Variants in COPB2 observed in about 807,000 individuals in gnomAD.
The protein encoded by COPB2 is coatomer subunit beta'.
COPB2 carries 16 observed loss-of-function variants against 120.8 expected under a neutral mutation model. The ratio of observed to expected loss-of-function variants is 0.13; its 90% CI spans 0.09 to 0.20. The LOEUF is 0.20. COPB2 is among the 10% of genes least tolerant of loss of function. The pLI is 1.00. For synonymous variants in COPB2, 332 were observed against 366.3 expected (o/e 0.91, Z 1.07); for missense variants, 794 against 1,076.5 (o/e 0.74, Z 3.67).
intron 6 of COPB2, 55 bp from the exon 7 acceptor site, chr3:139,374,643 C>T (rs560416051): frequency 2.4e-5 from 35 of 1,447,206 alleles, no homozygotes; most frequent in East Asian, 1.1e-4. Flanking sequence ...GTAACCAGCC[C>T]GCCCTTAATT....
intron 5 of COPB2, among the ~76,000 whole-genome samples, chr3:139,376,975 T>A (rs1455418964): frequency 1.3e-5 from 2 of 152,202 alleles, no homozygotes; most frequent in Non-Finnish European, 2.9e-5. Flanking sequence ...GGTCTCGATC[T>A]CCTGACCTTG....
chr3:139,387,171 A>G (rs1342501897), intron 1 of COPB2, among the ~76,000 whole-genome samples: 1 of 151,944 alleles, frequency 6.6e-6, no homozygotes, highest in Non-Finnish European at 1.5e-5. Flanking sequence ...CGATTGCACC[A>G]CTGCACTCCA....
At chr3:139,369,849 T>C (rs1374908322) in intron 10 of COPB2, among the ~76,000 whole-genome samples, 1 of 152,224 alleles carries the variant, frequency 6.6e-6, no homozygotes, top group African/African-American at 2.4e-5. Context: ...TATATTCATA[T>C]AATGGAATGC....
chr3:139,368,342 C>A, intron 12 of COPB2, 54 bp from the exon 13 acceptor site: 1 of 1,533,802 alleles, frequency 6.5e-7, no homozygotes, highest in Non-Finnish European at 8.8e-7. Flanking sequence ...GTGGATATGA[C>A]AAACTGCACA....
At chr3:139,382,963 A>C (rs1941841070) in intron 2 of COPB2, 1 of 266,960 alleles carries the variant, frequency 3.7e-6, no homozygotes, top group African/African-American at 2.3e-5. Flanking sequence ...TATCATTCTT[A>C]AGATAGAGTA....
At chr3:139,361,413 G>T (rs1382961311) in intron 16 of COPB2, 118 bp from the exon 17 acceptor site, 2 of 1,005,928 alleles carry the variant, frequency 2.0e-6, no homozygotes, top group Admixed American at 2.8e-5. Context: ...TGTTAAGTTG[G>T]CTCTATCAAA....
At position 139,361,266 on chromosome 3, in the gene COPB2, T is replaced by C. The variant is rs1206334520; in HGVS notation, c.2025A>G (p.Glu675=). Residue 675 remains glutamate (E), a synonymous_variant, in exon 17 of 22, where the codon GAA becomes GAG. Coordinates refer to ENST00000333188, the MANE Select transcript of COPB2 (RefSeq NM_004766.3). ...CAAACTGACATTTACTAATGGCAAG[T>C]TCAGCAAGTTGTTTCCACTTCTGTT... ...ESEQKWKQLA[E]LAISKCQFGL... 1.2e-6 allele frequency: 2 copies of C among 1,614,108 alleles called. No homozygotes were observed. Among genetic ancestry groups the C allele is most frequent in the African/African-American group, 2.7e-5 (2 of 74,940 alleles).
intron 9 of COPB2, among the ~76,000 whole-genome samples, chr3:139,372,903 A>G (rs1178449168): frequency 6.6e-6 from 1 of 152,270 alleles, no homozygotes; most frequent in Admixed American, 6.5e-5. Flanking sequence ...AGCATAAGAC[A>G]TACTCCTTGC....
chr3:139,389,393 C>T (rs1204198944), intron 1 of COPB2, 155 bp downstream of exon 1: 3 of 1,159,144 alleles, frequency 2.6e-6, no homozygotes, highest in Admixed American at 1.1e-4. Flanking sequence ...CGCCTTCTCC[C>T]TTCCTGGAAT....
intron 10 of COPB2, among the ~76,000 whole-genome samples, chr3:139,371,360 C>T (rs1941619843): frequency 6.6e-6 from 1 of 152,158 alleles, no homozygotes; most frequent in Non-Finnish European, 1.5e-5. Context: ...CACCTCAGGA[C>T]ACTACATCAC....
At chr3:139,368,008 C>T (rs1003268363) in intron 13 of COPB2, 137 bp downstream of exon 13, 1 of 858,040 alleles carries the variant, frequency 1.2e-6, no homozygotes, top group Non-Finnish European at 1.6e-6. Context: ...TAATTTTTCA[C>T]ATTTCACCAG....
At chr3:139,389,152 C>T (rs1298671282) in intron 1 of COPB2, among the ~76,000 whole-genome samples, 2 of 152,198 alleles carry the variant, frequency 1.3e-5, no homozygotes, top group Non-Finnish European at 2.9e-5. Context: ...ACACTATCCC[C>T]AGAATAAGCC....
At chr3:139,367,755 C>T (rs1941545126) in intron 13 of COPB2, among the ~76,000 whole-genome samples, 1 of 152,072 alleles carries the variant, frequency 6.6e-6, no homozygotes, top group Non-Finnish European at 1.5e-5. Context: ...CTGATCTAAA[C>T]TTAGACCCTT....
intron 1 of COPB2, among the ~76,000 whole-genome samples, chr3:139,387,145 A>C (rs1941939584): frequency 6.6e-6 from 1 of 151,862 alleles, no homozygotes; most frequent in Non-Finnish European, 1.5e-5. Context: ...TGGGAGGTGG[A>C]GGTTGCAGTG....
At chr3:139,378,912 A>G (rs2107807578) in intron 4 of COPB2, 135 bp downstream of exon 4, 1 of 804,290 alleles carries the variant, frequency 1.2e-6, no homozygotes, top group Non-Finnish European at 1.9e-6. Flanking sequence ...ATAGCACAGT[A>G]ATGGATCTAA....
chr3:139,377,822 C>A (rs144690881), intron 5 of COPB2, among the ~76,000 whole-genome samples: 7 of 152,224 alleles, frequency 4.6e-5, no homozygotes, highest in African/African-American at 1.4e-4. Context: ...TGCCTCCACA[C>A]AGAAAAACGC....
upstream of COPB2, chr3:139,389,678 G>C: frequency 9.7e-7 from 1 of 1,026,860 alleles, no homozygotes; most frequent in Admixed American, 2.7e-5. Context: ...TCTCGCGATA[G>C]TCAGAGGCCA....
At position 139,361,395 on chromosome 3, in the gene COPB2, G is replaced by A. The variant is rs1192296771; in HGVS notation, c.1996-100C>T. ...TGTGCAGACAATGTTTATAAAAAGA[G>A]CTGTGTTTGTTAAGTTGGCTCTATC... On this transcript the variant is annotated intron_variant, in intron 16 of 21. Transcript: ENST00000333188. The A allele has an allele frequency of 1.2e-5, 14 of 1,207,266 alleles. No individual in the cohort carries two copies. The East Asian group carries it at 3.0e-4, about 26-fold the overall frequency. The allele number at this position is 1,207,266 out of a possible 1,614,324, so 74.8% of individuals were successfully genotyped here. A position where few individuals can be genotyped will look rare whatever the true frequency, so the allele number is the denominator to read the frequency against.
chr3:139,362,945 A>G (rs1433264026), intron 15 of COPB2, among the ~76,000 whole-genome samples: 1 of 152,250 alleles, frequency 6.6e-6, no homozygotes, highest in Non-Finnish European at 1.5e-5. Flanking sequence ...TAGGCTGGGA[A>G]GTAGAGATCA....
Sources: gnomAD v4.1 joint callset for allele counts (sites outside exome capture counted in the v4.1 genomes callset) on GRCh38, gnomAD v4.1.1 for gene constraint, MANE v1.5 for transcripts, NCBI Gene and HGNC (gene_info 2026-07-23, HGNC 2026-07-21) for gene names.